The following RNF38 variants were observed in gnomAD, a reference collection of about 807,000 sequenced individuals.
The protein encoded by RNF38 is ring finger protein 38, also known as E3 ubiquitin-protein ligase RNF38.
A neutral mutation model predicts 67.2 loss-of-function variants in RNF38; 15 were observed. The ratio of observed to expected loss-of-function variants is 0.22; its 90% CI spans 0.15 to 0.34. The LOEUF (loss-of-function observed/expected upper bound fraction) is 0.34, where lower values mean the gene tolerates loss of function less well. Among genes scored for constraint, RNF38 ranks in the 10% least tolerant of loss-of-function variants. The pLI is 1.00. For missense variants in RNF38, 524 were observed against 639.9 expected (o/e 0.82, Z 1.95); for synonymous variants, 220 against 218.8 (o/e 1.01, Z -0.05).
intron 1 of RNF38, 26 bp from the exon 2 acceptor site, chr9:36,390,642 A>G (rs1837010187): frequency 3.7e-6 from 6 of 1,612,720 alleles, no homozygotes; most frequent in Non-Finnish European, 5.1e-6. Context: ...AGAAAAGGAT[A>G]GTTCATGGCT....
chr9:36,400,763 G>A (rs1837956188), upstream of RNF38: 5 of 985,642 alleles, frequency 5.1e-6, no homozygotes, highest in South Asian at 4.7e-5. Flanking sequence ...GCCAGGAAAC[G>A]ACGGCTGCAC....
At chr9:36,457,624 G>T (rs1839624139) in intron 1 of RNF38, among the ~76,000 whole-genome samples, 1 of 152,144 alleles carries the variant, frequency 6.6e-6, no homozygotes, top group African/African-American at 2.4e-5. Context: ...AGTTTATCAG[G>T]GGACTGGGCA....
chr9:36,400,066 C>A (rs561764086), intron 1 of RNF38, 31 bp downstream of exon 1: 4 of 1,604,032 alleles, frequency 2.5e-6, no homozygotes, highest in South Asian at 2.2e-5. Flanking sequence ...TAGCATATAT[C>A]ATTTTTGCAA....
intron 2 of RNF38, among the ~76,000 whole-genome samples, chr9:36,414,035 A>T (rs531589074): frequency 6.6e-6 from 1 of 152,308 alleles, no homozygotes; most frequent in African/African-American, 2.4e-5. Context: ...TTCGTCTGAT[A>T]TAAGGATAGC....
chr9:36,382,675 C>A (rs1421673970), intron 2 of RNF38, among the ~76,000 whole-genome samples: 2 of 152,184 alleles, frequency 1.3e-5, no homozygotes, highest in Admixed American at 1.3e-4. Context: ...CACTAGTGAG[C>A]CCTAAGGACT....
At chr9:36,479,229 A>G (rs2134445404) in intron 1 of RNF38, among the ~76,000 whole-genome samples, 1 of 152,260 alleles carries the variant, frequency 6.6e-6, no homozygotes. Context: ...TGCCTAGGGA[A>G]TTATAATTAC....
intron 2 of RNF38, among the ~76,000 whole-genome samples, chr9:36,415,099 G>A (rs1345381915): frequency 6.6e-6 from 1 of 152,138 alleles, no homozygotes; most frequent in Non-Finnish European, 1.5e-5. Context: ...CTCTAGCAAG[G>A]CCAGGGAAAT....
chr9:36,470,570 T>C (rs1013508161), intron 1 of RNF38, among the ~76,000 whole-genome samples: 6 of 152,206 alleles, frequency 3.9e-5, no homozygotes, highest in Non-Finnish European at 5.9e-5. Context: ...GATGTCACTG[T>C]TATGTTATAA....
chr9:36,422,381 C>G (rs937945038), intron 2 of RNF38, among the ~76,000 whole-genome samples: 1 of 151,868 alleles, frequency 6.6e-6, no homozygotes, highest in African/African-American at 2.4e-5. Context: ...TGTACCACTG[C>G]ACTCCAGCCT....
intron 2 of RNF38, among the ~76,000 whole-genome samples, chr9:36,386,960 G>A (rs942608177): frequency 1.3e-5 from 2 of 152,074 alleles, no homozygotes; most frequent in African/African-American, 2.4e-5. Flanking sequence ...GCACCACCAC[G>A]CCTGGTTAAT....
intron 1 of RNF38, among the ~76,000 whole-genome samples, chr9:36,451,751 C>T (rs1204956578): frequency 1.3e-5 from 2 of 151,376 alleles, no homozygotes; most frequent in African/African-American, 2.4e-5. Flanking sequence ...CCGCCCACCT[C>T]GGCCTCCCAA....
chr9:36,417,763 G>A (rs779037722), intron 2 of RNF38, among the ~76,000 whole-genome samples: 26 of 152,118 alleles, frequency 1.7e-4, no homozygotes, highest in Admixed American at 4.6e-4. Flanking sequence ...TGCCTGCCTT[G>A]GCCTCCCAAT....
At chr9:36,485,304 G>GTGTATATATATATATATATATATA (rs1840379077) in intron 1 of RNF38, among the ~76,000 whole-genome samples, 4 of 150,276 alleles carry the variant, frequency 2.7e-5, no homozygotes, top group African/African-American at 1.0e-4. Context: ...ATCTCTTAGG[G>GTGTATATATATATATATATATATA]TATATATACA....
At chr9:36,416,205 G>A (rs1280425464) in intron 2 of RNF38, among the ~76,000 whole-genome samples, 2 of 129,688 alleles carry the variant, frequency 1.5e-5, no homozygotes, top group African/African-American at 2.8e-5. Context: ...GGAGGGGGTG[G>A]GAGATGGGAG....
At chr9:36,359,862 T>C (rs1322150997) in intron 4 of RNF38, among the ~76,000 whole-genome samples, 2 of 151,958 alleles carry the variant, frequency 1.3e-5, no homozygotes, top group African/African-American at 2.4e-5. Flanking sequence ...TCTCCTACCT[T>C]AGCCCCGCCC....
rs1835158271 is a variant in RNF38, at chr9:36,368,772, G to GAAAATTGAAAATAGGAAAA, written c.570+946_570+947insTTTTCCTATTTTCAATTTT. Among the ~76,000 whole-genome samples, 7 of 151,984 alleles carry GAAAATTGAAAATAGGAAAA rather than the reference G, an allele frequency of 4.6e-5. No individual in the cohort carries two copies. The South Asian group carries it at 1.5e-3, about 32-fold the overall frequency. On this transcript the variant is annotated intron_variant, in intron 4 of 11. Coordinates refer to ENST00000259605, the MANE Select transcript of RNF38 (RefSeq NM_022781.5). ...ATCTAGTGCAGTAGATGAAAATTGA[G>GAAAATTGAAAATAGGAAAA]ATCCTATTCTCATTAGCATTCTCTG...
chr9:36,482,128 A>G (rs915860334), intron 1 of RNF38, among the ~76,000 whole-genome samples: 8 of 141,338 alleles, frequency 5.7e-5, no homozygotes, highest in African/African-American at 8.0e-5. Context: ...ATCTCAGCTT[A>G]CAGCAACCTC....
intron 4 of RNF38, among the ~76,000 whole-genome samples, chr9:36,369,292 G>A (rs1254949553): frequency 6.6e-6 from 1 of 152,088 alleles, no homozygotes; most frequent in Non-Finnish European, 1.5e-5. Flanking sequence ...CAGTGCAGTG[G>A]TGCGATCTTG....
At chr9:36,357,680 C>G (rs1834230561) in intron 5 of RNF38, 95 bp downstream of exon 5, 1 of 924,564 alleles carries the variant, frequency 1.1e-6, no homozygotes, top group South Asian at 1.8e-5. Context: ...GCAGTTAGCC[C>G]CTCTAAAGAG....
Sources: allele counts gnomAD v4.1 joint callset (sites outside exome capture counted in the v4.1 genomes callset), GRCh38; gene constraint gnomAD v4.1.1; transcripts MANE v1.5; gene names NCBI Gene and HGNC (gene_info 2026-07-23, HGNC 2026-07-21).